MCTP1: variants seen among roughly 807,000 people sequenced by gnomAD.
MCTP1 encodes multiple C2 and transmembrane domain containing 1.
In MCTP1, 69 loss-of-function variants were observed where a neutral mutation model predicts 120.6. That is an observed-to-expected ratio of 0.57 (90% CI 0.47 to 0.70). The LOEUF is 0.70. MCTP1 is among the 30% of genes least tolerant of loss of function. MCTP1 has a pLI of 0.00. For synonymous variants in MCTP1, 529 were observed against 493.1 expected (o/e 1.07, Z -0.96); for missense variants, 1,203 against 1,248.8 (o/e 0.96, Z 0.55).
At chr5:94,941,947 C>T (rs1442518543) in intron 4 of MCTP1, among the ~76,000 whole-genome samples, 1 of 151,952 alleles carries the variant, frequency 6.6e-6, no homozygotes, top group Non-Finnish European at 1.5e-5. Flanking sequence ...GTTTCTGAAG[C>T]AAAGTGTACA....
intron 1 of MCTP1, among the ~76,000 whole-genome samples, chr5:95,052,876 G>A (rs1239474532): frequency 6.6e-6 from 1 of 152,096 alleles, no homozygotes; most frequent in African/African-American, 2.4e-5. Context: ...CTGAATTTTA[G>A]TACTAGAAGA....
intron 1 of MCTP1, among the ~76,000 whole-genome samples, chr5:95,065,729 T>G (rs745820950): frequency 5.9e-5 from 9 of 152,202 alleles, no homozygotes; most frequent in Non-Finnish European, 1.2e-4. Context: ...TCAATATTTT[T>G]CTAGAGGTTT....
At chr5:94,815,054 G>A (rs1169214784) in intron 17 of MCTP1, among the ~76,000 whole-genome samples, 1 of 152,162 alleles carries the variant, frequency 6.6e-6, no homozygotes, top group Admixed American at 6.6e-5. Flanking sequence ...CATGTTATGA[G>A]GGATTTGTTT....
chr5:95,169,282 G>A (rs184919977), intron 1 of MCTP1, among the ~76,000 whole-genome samples: 144 of 152,322 alleles, frequency 9.5e-4, no homozygotes, highest in African/African-American at 3.0e-3. Context: ...TCGATGTGCT[G>A]CTGGATTCGG....
chr5:94,886,544 C>T lies in MCTP1; in HGVS notation c.1933+2335G>A, dbSNP rs17335842. Among the ~76,000 whole-genome samples, 729 of 152,192 alleles carry T rather than the reference C, an allele frequency of 4.8e-3. 6 individuals carry two copies. The highest frequency in any genetic ancestry group is 0.01 in the Middle Eastern group (3 of 294). On this transcript the variant is annotated intron_variant, in intron 12 of 22. Transcript: ENST00000515393. ...TTAGAAAAAGTGTTCTGAAATCAAC[C>T]GTGTATCTTACAGTAACAGGCTCAT...
intron 1 of MCTP1, among the ~76,000 whole-genome samples, chr5:95,183,756 A>G (rs1748876874): frequency 6.6e-6 from 1 of 152,206 alleles, no homozygotes; most frequent in Admixed American, 6.5e-5. Flanking sequence ...TTAATGAAGG[A>G]AATAAAAATA....
intron 17 of MCTP1, among the ~76,000 whole-genome samples, chr5:94,812,861 CA>C (rs1327311591): frequency 6.6e-6 from 1 of 151,194 alleles, no homozygotes; most frequent in African/African-American, 2.4e-5. Flanking sequence ...TTGGGGTAAG[CA>C]AGGTATTTAT....
chr5:95,100,040 G>T (rs1411408924), intron 1 of MCTP1, among the ~76,000 whole-genome samples: 5 of 150,224 alleles, frequency 3.3e-5, no homozygotes, highest in Non-Finnish European at 7.4e-5. Flanking sequence ...ACCAAACACC[G>T]CATATTCTCA....
At position 95,157,630 on chromosome 5, in the gene MCTP1, T is replaced by A. The variant is rs563929585; in HGVS notation, c.720+126226A>T. Among the ~76,000 whole-genome samples the A allele has an allele frequency of 2.2e-4, 33 of 152,288 alleles. No individual in the cohort carries two copies. In the South Asian group the frequency reaches 6.8e-3, roughly 32 times the overall value. On this transcript the variant is annotated intron_variant, in intron 1 of 22. Coordinates refer to ENST00000515393, the MANE Select transcript of MCTP1 (RefSeq NM_024717.7). ...AGGGATAAACAACTAAATATACCATTAAAAATACTGGGAAAAAATTTTAAG... is the reference window on the plus strand; with the variant it reads ...AGGGATAAACAACTAAATATACCATAAAAAATACTGGGAAAAAATTTTAAG...
rs556663513 is a variant in MCTP1 at position 95,061,408 on chromosome 5, GTTTTTTT to G, written c.721-43931_721-43925del. Among the ~76,000 whole-genome samples, 41 of 33,462 alleles carry G rather than the reference GTTTTTTT, an allele frequency of 1.2e-3. 5 individuals carry two copies. The highest frequency in any genetic ancestry group is 1.8e-3 in the African/African-American group (18 of 10,184). 22.0% of individuals were successfully genotyped at this position (33,462 alleles called of 152,430 possible). On this transcript the variant is annotated intron_variant, in intron 1 of 22. Transcript: ENST00000515393. ...ATCAATTTTCACAAACCCCTTAAGGGTTTTTTTTTTTTTTTTTTTTTTTTTTTTTTTT... is the reference window on the plus strand; with the variant it reads ...ATCAATTTTCACAAACCCCTTAAGGGTTTTTTTTTTTTTTTTTTTTTTTTT...
chr5:95,151,861 A>C (rs1459884108), intron 1 of MCTP1, among the ~76,000 whole-genome samples: 1 of 152,084 alleles, frequency 6.6e-6, no homozygotes, highest in Admixed American at 6.6e-5. Flanking sequence ...CGGCACTCCC[A>C]AAACAGTCCC....
In MCTP1 at chr5:94,705,562, G is replaced by A. The variant is rs1176646332; in HGVS notation, c.*1934C>T. On this transcript the variant is annotated 3_prime_UTR_variant, in exon 23 of 23. Transcript: ENST00000515393. The stretch of plus-strand genomic sequence containing the variant: ...TACGTGGGAAAGATTATTTTCTTTT[G>A]TATTTAATACAGTGAATGTGTAGTC... 7.0e-6 allele frequency: 1 copy of A among 143,848 alleles called. No homozygotes were observed. The highest frequency in any genetic ancestry group is 2.1e-4 in the East Asian group (1 of 4,846). 8.9% of individuals were successfully genotyped at this position (143,848 alleles called of 1,614,324 possible). A position where few individuals can be genotyped will look rare whatever the true frequency, so the allele number is the denominator to read the frequency against.
rs190348023 is a variant in MCTP1, at chr5:94,935,397, T to C, written c.1174-3406A>G. Among the ~76,000 whole-genome samples, 3 of 152,056 alleles carry C rather than the reference T, an allele frequency of 2.0e-5. No individual in the cohort carries two copies. The East Asian group carries it at 5.8e-4, about 29-fold the overall frequency. ...ACGTATTGTTACTATTAACAGTGCA[T>C]AAAAAACTCACAAGATGACTGTTTT... On this transcript the variant is annotated intron_variant, in intron 5 of 22. Transcript: ENST00000515393.
chr5:94,920,117 A>C (rs181659692), intron 7 of MCTP1, among the ~76,000 whole-genome samples: 1 of 152,312 alleles, frequency 6.6e-6, no homozygotes, highest in Admixed American at 6.5e-5. Context: ...GGTCCAACAA[A>C]ATTTCAAAGC....
At chr5:94,748,484 T>C (rs1561567573) in intron 19 of MCTP1, among the ~76,000 whole-genome samples, 3 of 152,216 alleles carry the variant, frequency 2.0e-5, no homozygotes, top group Non-Finnish European at 4.4e-5. Flanking sequence ...ACATCCTTTG[T>C]GGCTACAGGA....
At chr5:95,136,702 C>T (rs1304390724) in intron 1 of MCTP1, among the ~76,000 whole-genome samples, 1 of 152,096 alleles carries the variant, frequency 6.6e-6, no homozygotes, top group Non-Finnish European at 1.5e-5. Flanking sequence ...CTATTAGTAT[C>T]CCTATTTTAC....
chr5:94,929,391 T>C (rs751601616), intron 6 of MCTP1, among the ~76,000 whole-genome samples: 5 of 152,132 alleles, frequency 3.3e-5, no homozygotes, highest in Non-Finnish European at 1.5e-5. Context: ...AAGAAGAAAA[T>C]GATCTGTGTT....
At chr5:95,119,753 A>T (rs190713923) in intron 1 of MCTP1, among the ~76,000 whole-genome samples, 1 of 152,344 alleles carries the variant, frequency 6.6e-6, no homozygotes, top group African/African-American at 2.4e-5. Context: ...ATCTGCAATA[A>T]ATTGGAAAAT....
chr5:95,235,447 A>G (rs562499623), intron 1 of MCTP1, among the ~76,000 whole-genome samples: 2 of 152,116 alleles, frequency 1.3e-5, no homozygotes, highest in South Asian at 4.2e-4. Flanking sequence ...TTTTTCTGGA[A>G]GTTTAAGCCA....
Sources: gnomAD v4.1 joint callset for allele counts (sites outside exome capture counted in the v4.1 genomes callset) on GRCh38, gnomAD v4.1.1 for gene constraint, MANE v1.5 for transcripts, NCBI Gene and HGNC (gene_info 2026-07-23, HGNC 2026-07-21) for gene names.